The following F13A1 variants were observed in gnomAD, a reference collection of about 807,000 sequenced individuals.
F13A1 encodes the protein coagulation factor XIII A chain, also known as FSF, A subunit.
Under a neutral mutation model 80.1 loss-of-function variants are expected in F13A1, and 47 were observed. That is an observed-to-expected ratio of 0.59 (90% CI 0.46 to 0.75). The LOEUF (loss-of-function observed/expected upper bound fraction) is 0.75, where lower values mean the gene tolerates loss of function less well. Among genes scored for constraint, F13A1 ranks in the 30% least tolerant of loss-of-function variants. F13A1 has a pLI of 0.00. For missense variants in F13A1, 817 were observed against 930.4 expected (o/e 0.88, Z 1.59); for synonymous variants, 349 against 344.9 (o/e 1.01, Z -0.13).
At chr6:6,189,844 A>G (rs919424343) in intron 10 of F13A1, among the ~76,000 whole-genome samples, 4 of 151,846 alleles carry the variant, frequency 2.6e-5, no homozygotes, top group African/African-American at 7.3e-5. Flanking sequence ...CATTCTCCCC[A>G]TCACTTTCAG....
intron 6 of F13A1, among the ~76,000 whole-genome samples, chr6:6,231,728 C>T (rs180948562): frequency 2.0e-5 from 3 of 152,334 alleles, no homozygotes; most frequent in Admixed American, 1.3e-4. Context: ...CAGCAAATTT[C>T]TCAGCAGAAA....
chr6:6,192,917 A>G (rs888682456), intron 10 of F13A1, among the ~76,000 whole-genome samples: 1 of 152,150 alleles, frequency 6.6e-6, no homozygotes, highest in African/African-American at 2.4e-5. Flanking sequence ...AGAAGGAGAG[A>G]GTTCTTCACT....
At chr6:6,272,986 C>T (rs1757942553) in intron 3 of F13A1, among the ~76,000 whole-genome samples, 1 of 152,160 alleles carries the variant, frequency 6.6e-6, no homozygotes. Context: ...AATGACAGCG[C>T]ATTCCTCCAC....
At chr6:6,292,416 A>G (rs1477570988) in intron 3 of F13A1, among the ~76,000 whole-genome samples, 2 of 152,056 alleles carry the variant, frequency 1.3e-5, no homozygotes, top group African/African-American at 4.8e-5. Flanking sequence ...TTGCCTCCTA[A>G]ATATTTCTCA....
chr6:6,174,402 TAAAAA>T (rs778778043), intron 12 of F13A1, among the ~76,000 whole-genome samples, 173 bp downstream of exon 12: 2 of 142,526 alleles, frequency 1.4e-5, no homozygotes, highest in South Asian at 2.2e-4. Context: ...AAAATAAAAA[TAAAAA>T]AAAAGAAAGT....
At chr6:6,242,734 G>A (rs946063269) in intron 6 of F13A1, among the ~76,000 whole-genome samples, 2 of 152,166 alleles carry the variant, frequency 1.3e-5, no homozygotes, top group Non-Finnish European at 2.9e-5. Context: ...TTTCTTCAGT[G>A]CTTTTGGTGA....
intron 8 of F13A1, among the ~76,000 whole-genome samples, chr6:6,212,421 T>G (rs1378125316): frequency 6.6e-6 from 1 of 152,182 alleles, no homozygotes; most frequent in Non-Finnish European, 1.5e-5. Context: ...AGGGGCACAC[T>G]GACACCTCAC....
intron 14 of F13A1, 26 bp downstream of exon 14, chr6:6,151,787 C>T: frequency 1.9e-6 from 3 of 1,613,850 alleles, no homozygotes; most frequent in Non-Finnish European, 2.5e-6. Context: ...GCACTGCCTG[C>T]CCGGTCTCCC....
At chr6:6,301,583 C>A (rs1245631229) in intron 3 of F13A1, among the ~76,000 whole-genome samples, 1 of 152,170 alleles carries the variant, frequency 6.6e-6, no homozygotes, top group Admixed American at 6.5e-5. Flanking sequence ...ATCTCAAAAA[C>A]AAATTAGCTA....
At chr6:6,242,332 A>C (rs1351023612) in intron 6 of F13A1, among the ~76,000 whole-genome samples, 1 of 152,310 alleles carries the variant, frequency 6.6e-6, no homozygotes, top group African/African-American at 2.4e-5. Flanking sequence ...TGGTTAAAAA[A>C]GTTTAGTCAT....
At chr6:6,280,973 G>A (rs1043988953) in intron 3 of F13A1, among the ~76,000 whole-genome samples, 5 of 152,162 alleles carry the variant, frequency 3.3e-5, no homozygotes, top group African/African-American at 1.2e-4. Flanking sequence ...TACTGTTTGC[G>A]GAGTGGCTGG....
chr6:6,167,760 A>C, intron 12 of F13A1, 142 bp from the exon 13 acceptor site: 1 of 858,796 alleles, frequency 1.2e-6, no homozygotes, highest in East Asian at 2.6e-5. Context: ...AGTGGAACAA[A>C]GAGTCAATTG....
chr6:6,263,715 C>A (rs1757807939), intron 4 of F13A1, among the ~76,000 whole-genome samples: 1 of 152,210 alleles, frequency 6.6e-6, no homozygotes, highest in East Asian at 1.9e-4. Context: ...TGCTTCCCCT[C>A]CACTTCCCAC....
intron 6 of F13A1, among the ~76,000 whole-genome samples, chr6:6,231,056 T>C (rs1757344416): frequency 6.6e-6 from 1 of 151,888 alleles, no homozygotes; most frequent in South Asian, 2.1e-4. Context: ...TCACCAGCAA[T>C]GGATCCAAAC....
chr6:6,149,945 C>T (rs928638122), intron 14 of F13A1, among the ~76,000 whole-genome samples: 1 of 152,212 alleles, frequency 6.6e-6, no homozygotes, highest in African/African-American at 2.4e-5. Flanking sequence ...AATAAACAAA[C>T]CATCTGGAGA....
chr6:6,205,020 C>T (rs971098093), intron 8 of F13A1, among the ~76,000 whole-genome samples: 8 of 152,218 alleles, frequency 5.3e-5, no homozygotes, highest in African/African-American at 1.9e-4. Context: ...TCATGAATGG[C>T]CTCATTTGCA....
chr6:6,167,346 TGAG>T, intron 13 of F13A1, 109 bp downstream of exon 13: 1 of 824,360 alleles, frequency 1.2e-6, no homozygotes, highest in Non-Finnish European at 1.7e-6. Context: ...TTTTTTTTTT[TGAG>T]CAGGACATTC....
At chr6:6,147,532 ATT>A (rs765698476) in intron 14 of F13A1, among the ~76,000 whole-genome samples, 6 of 152,174 alleles carry the variant, frequency 3.9e-5, no homozygotes, top group Non-Finnish European at 7.4e-5. Context: ...AGTTTGGGAT[ATT>A]TATTTCTCAA....
rs765995544 is a variant in F13A1 at position 6,266,606 on chromosome 6, G to A, written c.523C>T (p.Arg175Ter). Reference sequence around the variant, plus strand: ...ATGTACGTGTCTGTTTCTGGGTTTCGACTGGTTCGAAGTACGCCATAGGGA... The same window carrying A: ...ATGTACGTGTCTGTTTCTGGGTTTCAACTGGTTCGAAGTACGCCATAGGGA... Reference protein sequence around the residue: ...WTPYGVLRTSRNPETDTYILF... With the variant: ...WTPYGVLRTS The change falls in exon 4 of 15, where the codon CGA becomes TGA. Residue 175 changes from arginine (R) to a stop codon, truncating the protein, a stop_gained. Transcript: ENST00000264870. LOFTEE classifies it high-confidence loss of function. The A allele has an allele frequency of 9.3e-6, 15 of 1,614,162 alleles. No homozygotes were observed. The highest frequency in any genetic ancestry group is 1.7e-5 in the Admixed American group (1 of 60,024).
Sources: gnomAD v4.1 joint callset for allele counts (sites outside exome capture counted in the v4.1 genomes callset) on GRCh38, gnomAD v4.1.1 for gene constraint, MANE v1.5 for transcripts, NCBI Gene and HGNC (gene_info 2026-07-23, HGNC 2026-07-21) for gene names.